The following CNTNAP2 variants were observed in gnomAD, a reference collection of about 807,000 sequenced individuals.
CNTNAP2 encodes the protein contactin associated protein 2.
In CNTNAP2, 98 loss-of-function variants were observed where a neutral mutation model predicts 155.2. The observed-to-expected ratio is 0.63, with a 90% CI of 0.54 to 0.75. The LOEUF (loss-of-function observed/expected upper bound fraction) is 0.75, where lower values mean the gene tolerates loss of function less well. CNTNAP2 is among the 30% of genes least tolerant of loss of function. The pLI is 0.00. For missense variants in CNTNAP2, 1,727 were observed against 1,688.1 expected, an observed-to-expected ratio of 1.02 and a Z score of -0.40; for synonymous variants, 651 against 631.2, an observed-to-expected ratio of 1.03 and a Z score of -0.47.
chr7:148,165,371 A>T (rs1026474403), intron 17 of CNTNAP2, among the ~76,000 whole-genome samples: 1 of 152,090 alleles, frequency 6.6e-6, no homozygotes, highest in African/African-American at 2.4e-5. Context: ...ATGCAGTCAC[A>T]TTGGAGGTTA....
Position 146,148,587 on chromosome 7 carries a change from G to A in CNTNAP2, c.97+31614G>A, listed in dbSNP as rs150438692. ...CGTGCACGCCTGATTTATTTTTTAT[G>A]CTGGGAAATTCAGAAGTAAGAGAAA... On this transcript the variant is annotated intron_variant, in intron 1 of 23. Transcript: ENST00000361727. 2.0e-3 allele frequency among the ~76,000 whole-genome samples: 300 copies of A among 152,166 alleles called. 1 individual carries two copies. The highest frequency in any genetic ancestry group is 7.0e-3 in the African/African-American group (289 of 41,538).
At position 146,501,273 on chromosome 7, in the gene CNTNAP2, G is replaced by C. The variant is rs527761008; in HGVS notation, c.98-272998G>C. On this transcript the variant is annotated intron_variant, in intron 1 of 23. Transcript: ENST00000361727. ...TTCCCTTCTATTCTATATTTTGGAA[G>C]TGTTTGCGAAGGATTACTGTTAATT... is the stretch of plus-strand genomic sequence containing the variant. Among the ~76,000 whole-genome samples, 3 of 152,220 alleles carry C rather than the reference G, an allele frequency of 2.0e-5. No homozygotes were observed. In the East Asian group the frequency reaches 5.8e-4, roughly 29 times the overall value.
At chr7:148,336,442 T>C (rs78546834) in intron 21 of CNTNAP2, among the ~76,000 whole-genome samples, 1 of 148,736 alleles carries the variant, frequency 6.7e-6, no homozygotes, top group African/African-American at 2.5e-5. Context: ...GATGGTCTTT[T>C]AAAAAAAAAA....
Position 146,164,882 on chromosome 7 carries a change from G to A in CNTNAP2, c.97+47909G>A, listed in dbSNP as rs984675079. Among the ~76,000 whole-genome samples the A allele has an allele frequency of 4.6e-5, 7 of 152,112 alleles. No homozygotes were observed. The East Asian group carries it at 9.6e-4, about 21-fold the overall frequency. On this transcript the variant is annotated intron_variant, in intron 1 of 23. Transcript: ENST00000361727. ...GGCTTATATTCCTAATCTTTCAGGT[G>A]GGACCAGTCTTCAGGAAGTTATTCG... is the stretch of plus-strand genomic sequence containing the variant.
intron 8 of CNTNAP2, among the ~76,000 whole-genome samples, chr7:147,205,688 TA>T (rs918132322): frequency 8.6e-4 from 128 of 149,192 alleles, no homozygotes; most frequent in Non-Finnish European, 1.4e-3. Flanking sequence ...AATAAAATTT[TA>T]AAAAAAAAAA....
At chr7:147,460,111 T>C (rs1291844863) in intron 10 of CNTNAP2, among the ~76,000 whole-genome samples, 1 of 151,978 alleles carries the variant, frequency 6.6e-6, no homozygotes, top group Non-Finnish European at 1.5e-5. Flanking sequence ...CTGCACTTTC[T>C]GCACGTGTAT....
intron 3 of CNTNAP2, among the ~76,000 whole-genome samples, chr7:146,940,740 C>T (rs536687208): frequency 1.1e-4 from 16 of 151,642 alleles, no homozygotes; most frequent in African/African-American, 3.6e-4. Flanking sequence ...TATATATACA[C>T]ACACACTGCA....
intron 3 of CNTNAP2, among the ~76,000 whole-genome samples, chr7:146,852,391 A>G (rs1794896229): frequency 6.6e-6 from 1 of 152,120 alleles, no homozygotes; most frequent in African/African-American, 2.4e-5. Context: ...ATTTATTTAC[A>G]TTCAAAACTC....
At chr7:146,292,222 G>T (rs1800440386) in intron 1 of CNTNAP2, among the ~76,000 whole-genome samples, 1 of 152,078 alleles carries the variant, frequency 6.6e-6, no homozygotes, top group African/African-American at 2.4e-5. Context: ...CCCTCCCTTT[G>T]TGCATGTGTT....
chr7:147,398,706 G>A (rs1473846629), intron 10 of CNTNAP2, among the ~76,000 whole-genome samples: 2 of 139,510 alleles, frequency 1.4e-5, no homozygotes, highest in Admixed American at 7.9e-5. Context: ...CCAAGCTACA[G>A]AATTATGCAT....
At chr7:148,393,584 A>C (rs1303163235) in intron 22 of CNTNAP2, among the ~76,000 whole-genome samples, 1 of 152,198 alleles carries the variant, frequency 6.6e-6, no homozygotes, top group Non-Finnish European at 1.5e-5. Flanking sequence ...TTTTCATAGA[A>C]AATCACATTG....
chr7:146,893,978 C>G (rs1795827685), intron 3 of CNTNAP2, among the ~76,000 whole-genome samples: 1 of 152,110 alleles, frequency 6.6e-6, no homozygotes, highest in Non-Finnish European at 1.5e-5. Flanking sequence ...AGACTATGTT[C>G]TTGAAATATT....
chr7:146,473,265 G>C (rs1410367403), intron 1 of CNTNAP2, among the ~76,000 whole-genome samples: 1 of 152,044 alleles, frequency 6.6e-6, no homozygotes, highest in African/African-American at 2.4e-5. Context: ...AGTGGAAAGA[G>C]GTCACTGGGT....
At chr7:148,315,480 T>A (rs1797672276) in intron 21 of CNTNAP2, among the ~76,000 whole-genome samples, 1 of 152,096 alleles carries the variant, frequency 6.6e-6, no homozygotes, top group Non-Finnish European at 1.5e-5. Flanking sequence ...GATAATGTCA[T>A]CAGTTAAGGC....
intron 1 of CNTNAP2, among the ~76,000 whole-genome samples, chr7:146,326,364 G>C (rs1801097977): frequency 6.6e-6 from 1 of 152,158 alleles, no homozygotes; most frequent in Admixed American, 6.5e-5. Flanking sequence ...GCATTTCAAA[G>C]TTTTGGAGCT....
chr7:147,382,950 G>C (rs947982515), intron 9 of CNTNAP2, among the ~76,000 whole-genome samples: 3 of 152,138 alleles, frequency 2.0e-5, no homozygotes, highest in Admixed American at 1.3e-4. Context: ...CAGTAACATT[G>C]TTTTTAATCC....
intron 12 of CNTNAP2, among the ~76,000 whole-genome samples, chr7:147,584,633 T>C (rs558509377): frequency 6.6e-6 from 1 of 152,198 alleles, no homozygotes; most frequent in African/African-American, 2.4e-5. Flanking sequence ...AGATAAGATA[T>C]GGGAAGAAAA....
chr7:147,346,400 C>T (rs901128006), intron 9 of CNTNAP2, among the ~76,000 whole-genome samples: 21 of 151,186 alleles, frequency 1.4e-4, no homozygotes, highest in Non-Finnish European at 1.5e-4. Flanking sequence ...ATGATCCACC[C>T]GCCTCGGCCT....
At chr7:146,854,443 C>G (rs1210851967) in intron 3 of CNTNAP2, among the ~76,000 whole-genome samples, 1 of 152,024 alleles carries the variant, frequency 6.6e-6, no homozygotes, top group Non-Finnish European at 1.5e-5. Flanking sequence ...TCAAGGTACA[C>G]CTCTGATGGA....
Sources: gnomAD v4.1 joint callset for allele counts (sites outside exome capture counted in the v4.1 genomes callset) on GRCh38, gnomAD v4.1.1 for gene constraint, MANE v1.5 for transcripts, NCBI Gene and HGNC (gene_info 2026-07-23, HGNC 2026-07-21) for gene names.